RBPMS: variants seen among roughly 807,000 people sequenced by gnomAD.
RBPMS encodes the protein RNA binding protein, mRNA processing factor.
Under a neutral mutation model 26.8 loss-of-function variants are expected in RBPMS, and 7 were observed. The ratio of observed to expected loss-of-function variants is 0.26; its 90% confidence interval spans 0.15 to 0.49. The LOEUF (loss-of-function observed/expected upper bound fraction) is 0.49, where lower values mean the gene tolerates loss of function less well. Ranked by LOEUF, RBPMS falls within the 20% of genes least tolerant of loss-of-function variation. RBPMS has a pLI of 0.98. For synonymous variants in RBPMS, 96 were observed against 93.3 expected (o/e 1.03, Z -0.17); for missense variants, 186 against 250.0 (o/e 0.74, Z 1.73).
intron 1 of RBPMS, among the ~76,000 whole-genome samples, chr8:30,461,570 A>G (rs1563340972): frequency 1.3e-5 from 2 of 151,848 alleles, no homozygotes; most frequent in African/African-American, 4.8e-5. Flanking sequence ...AATTTTTTGT[A>G]TTTTTTAGTA....
chr8:30,526,972 C>G lies in RBPMS; in HGVS notation c.398-17522C>G, dbSNP rs143021961. The stretch of plus-strand genomic sequence containing the variant: ...ATTAAAAATGCATCACCAAAAGTGC[C>G]AGGGTGATGATTCAGATAGCGCTCT... On this transcript the variant is annotated intron_variant, in intron 5 of 8. Transcript: ENST00000397323. 1.6e-3 allele frequency among the ~76,000 whole-genome samples: 238 copies of G among 152,192 alleles called. 1 individual carries two copies. The highest frequency in any genetic ancestry group is 5.3e-3 in the African/African-American group (222 of 41,518).
intron 4 of RBPMS, among the ~76,000 whole-genome samples, chr8:30,496,382 G>A (rs543089805): frequency 2.0e-3 from 299 of 152,070 alleles, no homozygotes; most frequent in South Asian, 1.0e-2. Context: ...GTTAGCCAGG[G>A]TGGTCTCGAT....
intron 7 of RBPMS, chr8:30,565,047 G>A (rs1418680614): frequency 6.6e-6 from 1 of 152,238 alleles, no homozygotes; most frequent in Non-Finnish European, 1.5e-5. Context: ...GGTGGCTCGT[G>A]CTCTCCCTCC....
chr8:30,438,514 G>A (rs1812726418), intron 1 of RBPMS, among the ~76,000 whole-genome samples: 1 of 152,134 alleles, frequency 6.6e-6, no homozygotes, highest in African/African-American at 2.4e-5. Flanking sequence ...TCTAAACTGA[G>A]GAATGTAAGA....
At chr8:30,418,571 T>C (rs1810368925) in intron 1 of RBPMS, among the ~76,000 whole-genome samples, 1 of 152,130 alleles carries the variant, frequency 6.6e-6, no homozygotes, top group Non-Finnish European at 1.5e-5. Flanking sequence ...AGGCACTCTT[T>C]ATTACTATTA....
rs1828217452 is a variant in RBPMS, at chr8:30,570,752, C to T, written c.*227C>T. 6.6e-6 allele frequency: 1 copy of T among 152,618 alleles called. No homozygotes were observed. The allele number at this position is 152,618 out of a possible 1,614,324, so 9.5% of individuals were successfully genotyped here. On this transcript the variant is annotated 3_prime_UTR_variant, in exon 9 of 9. Transcript: ENST00000397323. ...TTAATAAAAATGTTTTACTCTTTTA[C>T]ACTGTATAATTGTAAGAAATAGCGT...
intron 5 of RBPMS, among the ~76,000 whole-genome samples, chr8:30,533,565 T>C (rs1033675039): frequency 1.6e-4 from 24 of 152,174 alleles, no homozygotes; most frequent in African/African-American, 5.8e-4. Context: ...TAAAAGACTT[T>C]TCATATTCAA....
Position 30,479,385 on chromosome 8 carries a change from C to A in RBPMS, c.246+8C>A, listed in dbSNP as rs781496223. The A allele has an allele frequency of 3.1e-6, 5 of 1,589,906 alleles. No individual in the cohort carries two copies. The African/African-American group carries it at 6.8e-5, about 22-fold the overall frequency. On this transcript the variant is annotated splice_region_variant and intron_variant, in intron 4 of 8. Coordinates refer to ENST00000397323, the MANE Select transcript of RBPMS (RefSeq NM_001008710.3). Reference sequence around the variant, plus strand: ...GCAAAGAATGCTTTGAATGTAAGTACTAATGATGTAATTGTAGGGGGTTTC... The same window carrying A: ...GCAAAGAATGCTTTGAATGTAAGTAATAATGATGTAATTGTAGGGGGTTTC...
chr8:30,527,914 G>A (rs1305740143), intron 5 of RBPMS, among the ~76,000 whole-genome samples: 1 of 152,170 alleles, frequency 6.6e-6, no homozygotes, highest in Non-Finnish European at 1.5e-5. Flanking sequence ...GGTGGCTCAC[G>A]CCTGTAGTCC....
At chr8:30,488,153 T>C (rs1818994259) in intron 4 of RBPMS, among the ~76,000 whole-genome samples, 1 of 152,116 alleles carries the variant, frequency 6.6e-6, no homozygotes, top group Non-Finnish European at 1.5e-5. Context: ...CATATGTAAA[T>C]GAATGAATAA....
chr8:30,568,011 C>T (rs948783048), intron 8 of RBPMS, among the ~76,000 whole-genome samples: 1 of 152,158 alleles, frequency 6.6e-6, no homozygotes, highest in Admixed American at 6.5e-5. Context: ...TCTCCATGGG[C>T]CCCCAGGGCT....
intron 4 of RBPMS, among the ~76,000 whole-genome samples, chr8:30,485,380 T>G (rs1398340040): frequency 6.6e-6 from 1 of 152,216 alleles, no homozygotes; most frequent in Non-Finnish European, 1.5e-5. Context: ...TCCTTAAGTT[T>G]CATTTAGCAT....
In RBPMS at chr8:30,480,439, C is replaced by T. The variant is rs79552960; in HGVS notation, c.246+1062C>T. On this transcript the variant is annotated intron_variant, in intron 4 of 8. Coordinates refer to ENST00000397323, the MANE Select transcript of RBPMS (RefSeq NM_001008710.3). ...ACTTCATATAATGGTGTCATTGATA[C>T]ACAACCTTAAAAGGTTTTTAGACTT... is the stretch of plus-strand genomic sequence containing the variant. Among the ~76,000 whole-genome samples, 439 of 152,276 alleles carry T rather than the reference C, an allele frequency of 2.9e-3. 1 individual carries two copies. Among genetic ancestry groups the T allele is most frequent in the African/African-American group, 1.0e-2 (415 of 41,556 alleles).
chr8:30,498,993 C>T (rs1327965534), intron 4 of RBPMS, among the ~76,000 whole-genome samples: 2 of 151,946 alleles, frequency 1.3e-5, no homozygotes, highest in African/African-American at 4.8e-5. Context: ...CTTGGAACAG[C>T]AAAATAAATA....
intron 4 of RBPMS, among the ~76,000 whole-genome samples, chr8:30,496,469 C>A (rs1819974489): frequency 2.6e-5 from 4 of 152,066 alleles, no homozygotes; most frequent in Admixed American, 2.6e-4. Context: ...TGCCCGGCCA[C>A]CCTCACTCAT....
At chr8:30,495,921 C>T (rs184407383) in intron 4 of RBPMS, among the ~76,000 whole-genome samples, 2 of 152,188 alleles carry the variant, frequency 1.3e-5, no homozygotes, top group African/African-American at 2.4e-5. Context: ...CACACACACA[C>T]GCTCTATTGG....
intron 4 of RBPMS, among the ~76,000 whole-genome samples, chr8:30,503,879 C>T (rs569596136): frequency 3.2e-4 from 48 of 152,168 alleles, no homozygotes; most frequent in Non-Finnish European, 5.6e-4. Flanking sequence ...ACTTGTCTTG[C>T]GCTAGTGTCT....
At chr8:30,561,377 G>C (rs1210614777) in intron 7 of RBPMS, among the ~76,000 whole-genome samples, 1 of 152,174 alleles carries the variant, frequency 6.6e-6, no homozygotes, top group Non-Finnish European at 1.5e-5. Context: ...TACAACTCCA[G>C]ATGGCACTGA....
At chr8:30,470,945 C>T (rs558512296) in intron 1 of RBPMS, among the ~76,000 whole-genome samples, 157 of 152,224 alleles carry the variant, frequency 1.0e-3, no homozygotes, top group African/African-American at 3.7e-3. Flanking sequence ...AAAGAATTTC[C>T]TCCATAAACT....
Sources: allele counts gnomAD v4.1 joint callset (sites outside exome capture counted in the v4.1 genomes callset), GRCh38; gene constraint gnomAD v4.1.1; transcripts MANE v1.5; gene names NCBI Gene and HGNC (gene_info 2026-07-23, HGNC 2026-07-21).